Variants in NUP93 observed in about 807,000 individuals in gnomAD.
The protein encoded by NUP93 is nuclear pore complex protein Nup93.
In NUP93, 55 loss-of-function variants were observed where a neutral mutation model predicts 107.8. The observed-to-expected ratio is 0.51, with a 90% CI of 0.41 to 0.64. The LOEUF is 0.64. NUP93 is among the 30% of genes least tolerant of loss of function. The pLI is 0.00. For missense variants in NUP93, 937 were observed against 1,044.7 expected (o/e 0.90, Z 1.42); for synonymous variants, 390 against 397.5 (o/e 0.98, Z 0.22).
chr16:56,843,411 C>T (rs1198864196), intron 21 of NUP93, among the ~76,000 whole-genome samples: 5 of 152,138 alleles, frequency 3.3e-5, no homozygotes, highest in African/African-American at 1.2e-4. Context: ...CATTCTCCTG[C>T]CTTCCTTTTG....
intron 3 of NUP93, among the ~76,000 whole-genome samples, chr16:56,759,425 A>G (rs193113735): frequency 6.6e-6 from 1 of 152,310 alleles, no homozygotes; most frequent in African/African-American, 2.4e-5. Context: ...TTGAATTAAT[A>G]CTCTCTATCC....
chr16:56,793,314 A>C (rs1962810113), intron 3 of NUP93, among the ~76,000 whole-genome samples: 1 of 152,116 alleles, frequency 6.6e-6, no homozygotes, highest in South Asian at 2.1e-4. Context: ...CCCACAGCAG[A>C]AGGATCAAAT....
intron 1 of NUP93, among the ~76,000 whole-genome samples, chr16:56,740,065 G>T (rs1374028681): frequency 4.6e-5 from 5 of 107,866 alleles, no homozygotes; most frequent in Admixed American, 2.7e-4. Context: ...GCGGCTGGCC[G>T]GGCGGAGGGC....
chr16:56,814,288 C>A (rs546126572), intron 5 of NUP93, among the ~76,000 whole-genome samples: 1 of 152,146 alleles, frequency 6.6e-6, no homozygotes, highest in Non-Finnish European at 1.5e-5. Flanking sequence ...TCAAGCGATC[C>A]TCTCGCTTCA....
chr16:56,826,612 A>T (rs979264128), intron 8 of NUP93, among the ~76,000 whole-genome samples: 5 of 152,072 alleles, frequency 3.3e-5, no homozygotes, highest in Non-Finnish European at 7.4e-5. Context: ...CATCCTTATT[A>T]TAGAAACTTT....
chr16:56,827,614 A>G (rs563121468), intron 8 of NUP93, among the ~76,000 whole-genome samples: 31 of 152,372 alleles, frequency 2.0e-4, no homozygotes, highest in African/African-American at 7.5e-4. Context: ...TGCCAGCATT[A>G]GCTATGTAGG....
At chr16:56,768,481 T>C (rs1372431330) in intron 3 of NUP93, among the ~76,000 whole-genome samples, 1 of 151,794 alleles carries the variant, frequency 6.6e-6, no homozygotes, top group African/African-American at 2.4e-5. Context: ...GAGAATTGCT[T>C]GAACCCGGGA....
chr16:56,764,748 A>G (rs1314678891), intron 3 of NUP93, among the ~76,000 whole-genome samples: 1 of 152,238 alleles, frequency 6.6e-6, no homozygotes, highest in Non-Finnish European at 1.5e-5. Flanking sequence ...TAATATGCGA[A>G]TAGCTCTTCA....
chr16:56,831,624 T>C (rs1271395389), intron 10 of NUP93: 2 of 486,326 alleles, frequency 4.1e-6, no homozygotes, highest in Non-Finnish European at 7.4e-6. Flanking sequence ...CCTCAGCAAA[T>C]AGAAAACCGG....
At chr16:56,752,062 T>C (rs560775042) in intron 2 of NUP93, among the ~76,000 whole-genome samples, 16 of 152,386 alleles carry the variant, frequency 1.0e-4, no homozygotes, top group Non-Finnish European at 1.8e-4. Flanking sequence ...ACCTTTCTTT[T>C]CTGACAATTC....
At chr16:56,820,810 A>G (rs1382955887) in intron 6 of NUP93, among the ~76,000 whole-genome samples, 1 of 152,194 alleles carries the variant, frequency 6.6e-6, no homozygotes, top group African/African-American at 2.4e-5. Flanking sequence ...ATTTAGAACT[A>G]GTTAAGCTCT....
chr16:56,754,753 C>T (rs1245846415), intron 2 of NUP93, among the ~76,000 whole-genome samples: 1 of 152,182 alleles, frequency 6.6e-6, no homozygotes, highest in East Asian at 1.9e-4. Context: ...GGCAGTGCCC[C>T]AGTGGGGACT....
rs77285911 is a variant in NUP93 at position 56,841,383 on chromosome 16, G to A, written c.2221-322G>A. On this transcript the variant is annotated intron_variant, in intron 20 of 21. Transcript: ENST00000308159. ...ACATTCAAGTTCAAATTATTTAATG[G>A]CAGCCACTCTGCTGGCCAGTCTAAG... Among the ~76,000 whole-genome samples the A allele has an allele frequency of 0.033, 5,041 of 152,232 alleles. 122 individuals carry two copies. The highest frequency in any genetic ancestry group is 0.075 in the East Asian group (389 of 5,190).
At chr16:56,758,070 CAGA>C (rs1962058013) in intron 2 of NUP93, among the ~76,000 whole-genome samples, 2 of 126,406 alleles carry the variant, frequency 1.6e-5, no homozygotes, top group Non-Finnish European at 1.7e-5. Flanking sequence ...CACTCTGTCT[CAGA>C]AAAAAAAAAA....
At chr16:56,821,734 A>T in intron 7 of NUP93, 141 bp downstream of exon 7, 2 of 552,190 alleles carry the variant, frequency 3.6e-6, no homozygotes, top group South Asian at 5.6e-5. Flanking sequence ...GTTTTATTTT[A>T]AATAACTTTG....
chr16:56,793,144 T>C (rs1346666740), intron 3 of NUP93, among the ~76,000 whole-genome samples: 2 of 152,232 alleles, frequency 1.3e-5, no homozygotes, highest in Middle Eastern at 3.2e-3. Flanking sequence ...TTATGTGTTA[T>C]AGAAAGCTGG....
intron 8 of NUP93, 58 bp from the exon 9 acceptor site, chr16:56,828,919 A>C: frequency 1.9e-6 from 3 of 1,558,908 alleles, no homozygotes; most frequent in South Asian, 1.1e-5. Flanking sequence ...ATATGGGCAT[A>C]GAGATGTGTA....
At chr16:56,783,446 C>T in intron 3 of NUP93, 3 of 983,390 alleles carry the variant, frequency 3.1e-6, no homozygotes, top group African/African-American at 1.7e-5. Flanking sequence ...AAACTCTGAC[C>T]CAGTGCAGCA....
At chr16:56,740,077 C>G (rs1319978110) in intron 1 of NUP93, among the ~76,000 whole-genome samples, 1,451 of 23,460 alleles carry the variant, frequency 0.062, no homozygotes, top group East Asian at 0.12. Flanking sequence ...GCGGAGGGCT[C>G]ACCCCCCCAC....
Sources: gnomAD v4.1 joint callset for allele counts (sites outside exome capture counted in the v4.1 genomes callset) on GRCh38, gnomAD v4.1.1 for gene constraint, MANE v1.5 for transcripts, NCBI Gene and HGNC (gene_info 2026-07-23, HGNC 2026-07-21) for gene names.